RORB: variants seen among roughly 807,000 people sequenced by gnomAD.
RORB encodes nuclear receptor ROR-beta.
RORB carries 6 observed loss-of-function variants against 59.1 expected under a neutral mutation model. The ratio of observed to expected loss-of-function variants is 0.10; its 90% confidence interval spans 0.06 to 0.20. The LOEUF is 0.20. Among genes scored for constraint, RORB ranks in the 10% least tolerant of loss-of-function variants. RORB has a pLI of 1.00. For missense variants in RORB, 320 were observed against 560.5 expected (o/e 0.57, Z 4.33); for synonymous variants, 215 against 204.5 (o/e 1.05, Z -0.44).
intron 7 of RORB, among the ~76,000 whole-genome samples, chr9:74,666,378 T>C (rs1824264835): frequency 6.6e-6 from 1 of 151,980 alleles, no homozygotes; most frequent in South Asian, 2.1e-4. Flanking sequence ...GGAAGATTGC[T>C]TGACCCTGGG....
chr9:74,665,759 C>T (rs536846332), intron 7 of RORB, among the ~76,000 whole-genome samples, 164 bp downstream of exon 7: 1 of 152,296 alleles, frequency 6.6e-6, no homozygotes, highest in East Asian at 1.9e-4. Context: ...CAAGCCTCTC[C>T]TGATCTTGTA....
intron 1 of RORB, among the ~76,000 whole-genome samples, chr9:74,602,998 A>AT (rs1823091994): frequency 6.6e-6 from 1 of 152,150 alleles, no homozygotes; most frequent in South Asian, 2.1e-4. Flanking sequence ...TTTAGTATGC[A>AT]TTTGGTAAGA....
chr9:74,609,731 T>G (rs915252622), intron 1 of RORB, among the ~76,000 whole-genome samples: 4 of 152,172 alleles, frequency 2.6e-5, no homozygotes, highest in African/African-American at 9.7e-5. Context: ...AGGGATTGAG[T>G]AACTTGCACT....
chr9:74,687,546 G>C lies in RORB; in HGVS notation c.*1928G>C, dbSNP rs1000696583. ...TAAACCAATGGGGAAAAACAAAAAGGCTTTAAAATAATGAATCTGTTTCTC... is the reference window on the plus strand; with the variant it reads ...TAAACCAATGGGGAAAAACAAAAAGCCTTTAAAATAATGAATCTGTTTCTC... On this transcript the variant is annotated 3_prime_UTR_variant, in exon 10 of 10. Transcript: ENST00000376896. 2.0e-5 allele frequency: 3 copies of C among 152,008 alleles called. No individual in the cohort carries two copies. The highest frequency in any genetic ancestry group is 7.3e-5 in the African/African-American group (3 of 41,366). 9.4% of individuals were successfully genotyped at this position (152,008 alleles called of 1,614,324 possible).
intron 1 of RORB, among the ~76,000 whole-genome samples, chr9:74,530,414 T>C (rs543464420): frequency 5.3e-5 from 8 of 152,022 alleles, no homozygotes; most frequent in Non-Finnish European, 1.2e-4. Context: ...CGCATTGCTT[T>C]CTGCAAGTAG....
chr9:74,524,159 G>A lies in RORB; in HGVS notation c.7+26176G>A, dbSNP rs562307692. On this transcript the variant is annotated intron_variant, in intron 1 of 9. Transcript: ENST00000376896. The stretch of plus-strand genomic sequence containing the variant: ...GTATAGTGGGATATGCCAGGGTGGG[G>A]TTTTATGTGAGGTGCTAGGAGGTCA... Among the ~76,000 whole-genome samples the A allele has an allele frequency of 1.1e-4, 16 of 151,848 alleles. No individual in the cohort carries two copies. In the East Asian group the frequency reaches 2.3e-3, roughly 22 times the overall value.
At chr9:74,683,175 A>G (rs772712657) in intron 9 of RORB, among the ~76,000 whole-genome samples, 1 of 152,218 alleles carries the variant, frequency 6.6e-6, no homozygotes, top group African/African-American at 2.4e-5. Flanking sequence ...CACATCATCA[A>G]TTCAACTGCA....
At chr9:74,682,952 T>G (rs1824571443) in intron 9 of RORB, among the ~76,000 whole-genome samples, 2 of 152,214 alleles carry the variant, frequency 1.3e-5, no homozygotes, top group African/African-American at 4.8e-5. Flanking sequence ...TGAAGCAGTG[T>G]TTTTCAAAAT....
chr9:74,562,969 G>A lies in RORB; in HGVS notation c.7+64986G>A, dbSNP rs910287107. Among the ~76,000 whole-genome samples, 45 of 151,938 alleles carry A rather than the reference G, an allele frequency of 3.0e-4. 1 individual carries two copies. On this transcript the variant is annotated intron_variant, in intron 1 of 9. Coordinates refer to ENST00000376896, the MANE Select transcript of RORB (RefSeq NM_006914.4). Reference sequence around the variant, plus strand: ...CTTTTACTTCTTCAAATACTTCAATGTGCATTTCTTAAAATAAAAACATTA... The same window carrying A: ...CTTTTACTTCTTCAAATACTTCAATATGCATTTCTTAAAATAAAAACATTA...
rs752499152 is a variant in RORB at position 74,634,621 on chromosome 9, T to G, written c.94-10T>G. 6.3e-6 allele frequency: 10 copies of G among 1,597,418 alleles called. No individual in the cohort carries two copies. The highest frequency in any genetic ancestry group is 1.7e-4 in the Middle Eastern group (1 of 5,978). ...AATCTGTTTCCCTCCCCTTCTCTTT[T>G]TCCCTCAAGGGATTCTTTAGGAGGA... On this transcript the variant is annotated splice_polypyrimidine_tract_variant and intron_variant, in intron 2 of 9. Coordinates refer to ENST00000376896, the MANE Select transcript of RORB (RefSeq NM_006914.4).
chr9:74,667,345 T>C (rs1824283611), intron 7 of RORB, among the ~76,000 whole-genome samples: 1 of 152,214 alleles, frequency 6.6e-6, no homozygotes, highest in South Asian at 2.1e-4. Flanking sequence ...CAGAATACCC[T>C]ACATTGCTAG....
intron 4 of RORB, 96 bp downstream of exon 4, chr9:74,642,911 T>G: frequency 1.2e-6 from 1 of 853,406 alleles, no homozygotes; most frequent in Non-Finnish European, 1.7e-6. Flanking sequence ...AGACTTAAAT[T>G]GAATTACTTG....
intron 1 of RORB, among the ~76,000 whole-genome samples, chr9:74,535,948 G>T (rs1014014001): frequency 6.6e-6 from 1 of 151,992 alleles, no homozygotes; most frequent in Non-Finnish European, 1.5e-5. Context: ...GGATATAAGG[G>T]ATAGTAGGTC....
chr9:74,571,811 A>G (rs1010469642), intron 1 of RORB, among the ~76,000 whole-genome samples: 1 of 152,156 alleles, frequency 6.6e-6, no homozygotes, highest in Non-Finnish European at 1.5e-5. Context: ...GAGGAAAGGC[A>G]AGGTTGCAAG....
intron 1 of RORB, among the ~76,000 whole-genome samples, chr9:74,504,668 A>G (rs1174018179): frequency 6.6e-6 from 1 of 152,030 alleles, no homozygotes; most frequent in Non-Finnish European, 1.5e-5. Flanking sequence ...GGAATCACGG[A>G]CATCAGTAAA....
chr9:74,560,285 T>C (rs1028454469), intron 1 of RORB, among the ~76,000 whole-genome samples: 1 of 152,176 alleles, frequency 6.6e-6, no homozygotes, highest in South Asian at 2.1e-4. Context: ...TTTAATTTAT[T>C]GTGTGCTTGT....
At chr9:74,529,225 G>C (rs1826198657) in intron 1 of RORB, among the ~76,000 whole-genome samples, 1 of 151,804 alleles carries the variant, frequency 6.6e-6, no homozygotes, top group Non-Finnish European at 1.5e-5. Context: ...GACTTCTAAA[G>C]TTTGATTTGT....
At position 74,691,231 on chromosome 9, in the gene RORB, A is replaced by G. The variant is rs1439578276; in HGVS notation, c.*5613A>G. The G allele has an allele frequency of 6.6e-6, 1 of 152,242 alleles. No individual in the cohort carries two copies. Among genetic ancestry groups the G allele is most frequent in the Non-Finnish European group, 1.5e-5 (1 of 68,066 alleles). 9.4% of individuals were successfully genotyped at this position (152,242 alleles called of 1,614,324 possible). ...TCAGTGATTGTTCTCATGGCCAAAA[A>G]TAAAGCACAAGGGTTACCGGAATTG... On this transcript the variant is annotated 3_prime_UTR_variant, in exon 10 of 10. Coordinates refer to ENST00000376896, the MANE Select transcript of RORB (RefSeq NM_006914.4).
chr9:74,602,057 C>A (rs1396999040), intron 1 of RORB, among the ~76,000 whole-genome samples: 1 of 152,176 alleles, frequency 6.6e-6, no homozygotes, highest in Non-Finnish European at 1.5e-5. Context: ...AGGGGCCCCA[C>A]TATGTCATCA....
Sources: gnomAD v4.1 joint callset for allele counts (sites outside exome capture counted in the v4.1 genomes callset) on GRCh38, gnomAD v4.1.1 for gene constraint, MANE v1.5 for transcripts, NCBI Gene and HGNC (gene_info 2026-07-23, HGNC 2026-07-21) for gene names.